Variants in PITPNM2 observed in about 807,000 individuals in gnomAD.
PITPNM2 encodes phosphatidylinositol transfer protein membrane associated 2, also known as membrane-associated phosphatidylinositol transfer protein 2.
A neutral mutation model predicts 132.2 loss-of-function variants in PITPNM2; 35 were observed. The observed-to-expected ratio is 0.26, with a 90% CI of 0.20 to 0.35. The LOEUF (loss-of-function observed/expected upper bound fraction) is 0.35, where lower values mean the gene tolerates loss of function less well. Ranked by LOEUF, PITPNM2 falls within the 10% of genes least tolerant of loss-of-function variation. PITPNM2 has a pLI of 1.00. For missense variants in PITPNM2, 1,332 were observed against 1,912.0 expected, an observed-to-expected ratio of 0.70 and a Z score of 5.66; for synonymous variants, 738 against 799.2, an observed-to-expected ratio of 0.92 and a Z score of 1.29.
At chr12:123,013,691 A>C in intron 4 of PITPNM2, 137 bp downstream of exon 4, 1 of 1,027,180 alleles carries the variant, frequency 9.7e-7, no homozygotes, top group Non-Finnish European at 1.4e-6. Flanking sequence ...TATGGAACAA[A>C]GCCTGGGTTC....
At chr12:123,094,811 C>T (rs1312238558) in intron 2 of PITPNM2, among the ~76,000 whole-genome samples, 2 of 152,198 alleles carry the variant, frequency 1.3e-5, no homozygotes, top group East Asian at 1.9e-4. Flanking sequence ...TTGGACTGAC[C>T]GACCTCCTGG....
Position 123,036,011 on chromosome 12 carries a change from AC to A in PITPNM2, c.-95-1327del, listed in dbSNP as rs1358072103. On this transcript the variant is annotated intron_variant, in intron 2 of 25. Coordinates refer to ENST00000320201, the MANE Select transcript of PITPNM2 (RefSeq NM_020845.3). This position sits in a 1 kb window ranked among gnomAD's most constrained non-coding sequence, Gnocchi z 4.1. ...GTAGCTGGGACTACAGATGCACGCCACCCACACCCGGCTAACGGTAGTATTT... is the reference window on the plus strand; with the variant it reads ...GTAGCTGGGACTACAGATGCACGCCACCACACCCGGCTAACGGTAGTATTT... Among the ~76,000 whole-genome samples the A allele has an allele frequency of 6.6e-6, 1 of 152,094 alleles. No homozygotes were observed. The highest frequency in any genetic ancestry group is 6.6e-5 in the Admixed American group (1 of 15,262).
intron 17 of PITPNM2, 131 bp downstream of exon 17, chr12:122,990,414 C>A: frequency 7.5e-7 from 1 of 1,334,210 alleles, no homozygotes; most frequent in South Asian, 1.4e-5. Flanking sequence ...CTCCCTCTAC[C>A]CACCAGGTGC....
chr12:123,069,200 T>C (rs1207895576), intron 2 of PITPNM2, among the ~76,000 whole-genome samples: 1 of 151,284 alleles, frequency 6.6e-6, no homozygotes, highest in African/African-American at 2.4e-5. Context: ...TGAGCTATGA[T>C]TGCACCACTG....
rs1255365145 is a variant in PITPNM2 at position 123,077,882 on chromosome 12, G to A, written c.-96+32503C>T. Among the ~76,000 whole-genome samples, 2 of 152,162 alleles carry A rather than the reference G, an allele frequency of 1.3e-5. No individual in the cohort carries two copies. The highest frequency in any genetic ancestry group is 2.9e-5 in the Non-Finnish European group (2 of 68,014). ...ACCACAGGAGCCAGGCTGGGGTCGCGCAGCAGCCTCCCATCCCTGCAGAGG... is the reference window on the plus strand; with the variant it reads ...ACCACAGGAGCCAGGCTGGGGTCGCACAGCAGCCTCCCATCCCTGCAGAGG... On this transcript the variant is annotated intron_variant, in intron 2 of 25. Coordinates refer to ENST00000320201, the MANE Select transcript of PITPNM2 (RefSeq NM_020845.3). The surrounding 1 kb of genome is among the most constrained non-coding windows in gnomAD (Gnocchi z 4.8).
chr12:123,124,447 A>T (rs1054858127), intron 1 of PITPNM2, among the ~76,000 whole-genome samples: 1 of 152,176 alleles, frequency 6.6e-6, no homozygotes, highest in Admixed American at 6.6e-5. Flanking sequence ...AAAAAATTAA[A>T]AAGTAATATA....
At position 122,996,817 on chromosome 12, in the gene PITPNM2, G is replaced by A. The variant is rs760546382; in HGVS notation, c.1566C>T (p.Pro522=). 1 of 1,602,926 alleles carries A rather than the reference G, an allele frequency of 6.2e-7. No individual in the cohort carries two copies. The highest frequency in any genetic ancestry group is 8.5e-7 in the Non-Finnish European group (1 of 1,177,234). Residue 522 remains proline (P), a synonymous_variant, in exon 12 of 26, where the codon CCC becomes CCT. Coordinates refer to ENST00000320201, the MANE Select transcript of PITPNM2 (RefSeq NM_020845.3). The stretch of plus-strand genomic sequence containing the variant: ...CTGTGGCAACTGCCTCCTGGTACTG[G>A]GGGGAGGAGGTGGCCAGCAGGGGGA... The part of the protein sequence containing the change: ...AALPLLATSS[P]QYQEAVATVI...
At chr12:123,033,919 T>C (rs1018049884) in intron 3 of PITPNM2, among the ~76,000 whole-genome samples, 5 of 152,212 alleles carry the variant, frequency 3.3e-5, no homozygotes, top group Admixed American at 3.3e-4. Flanking sequence ...AGCACCATTT[T>C]CCAATCTGTG....
chr12:122,988,343 C>T lies in PITPNM2; in HGVS notation c.2888G>A (p.Arg963Lys). 1 of 1,612,900 alleles carries T rather than the reference C, an allele frequency of 6.2e-7. No homozygotes were observed. Among genetic ancestry groups the T allele is most frequent in the Non-Finnish European group, 8.5e-7 (1 of 1,179,598 alleles). ...VVSFLLRQVM[R>K]HDNSSILELD... ...CTCCAAGATGCTGGAGTTGTCATGC[C>T]TCATGACCTGGGAAGAGGGGACAGT... Residue 963 changes from arginine (R) to lysine (K), a missense_variant, in exon 20 of 26, where the codon AGG becomes AAG. Arg to Lys is a conservative substitution (Grantham distance 26). Coordinates refer to ENST00000320201, the MANE Select transcript of PITPNM2 (RefSeq NM_020845.3).
At chr12:123,040,732 A>AGG (rs1256547148) in intron 2 of PITPNM2, among the ~76,000 whole-genome samples, 5 of 152,182 alleles carry the variant, frequency 3.3e-5, no homozygotes, top group Non-Finnish European at 4.4e-5. Flanking sequence ...TTTTTAAAAA[A>AGG]AGATCATGTA....
At chr12:123,048,191 T>C (rs190189653) in intron 2 of PITPNM2, among the ~76,000 whole-genome samples, 96 of 152,126 alleles carry the variant, frequency 6.3e-4, no homozygotes, top group African/African-American at 2.0e-3. Context: ...GGAAATATTA[T>C]TCAGCCTCAA....
chr12:122,997,143 C>A (rs2038465311), intron 11 of PITPNM2, among the ~76,000 whole-genome samples, 182 bp downstream of exon 11: 1 of 152,238 alleles, frequency 6.6e-6, no homozygotes, highest in Non-Finnish European at 1.5e-5. Flanking sequence ...TGGGCCCAGG[C>A]CTCCTGGGAC....
chr12:122,997,185 C>A, intron 11 of PITPNM2, 140 bp downstream of exon 11: 1 of 1,308,188 alleles, frequency 7.6e-7, no homozygotes, highest in Non-Finnish European at 1.0e-6. Context: ...TACGTTTGGG[C>A]ACCTCCAGGT....
intron 5 of PITPNM2, among the ~76,000 whole-genome samples, chr12:123,011,722 G>A (rs570351843): frequency 6.6e-6 from 1 of 152,294 alleles, no homozygotes; most frequent in South Asian, 2.1e-4. Context: ...TTGGAGGGAT[G>A]CTTCTACAAG....
intron 2 of PITPNM2, among the ~76,000 whole-genome samples, chr12:123,073,530 A>G (rs574736828): frequency 6.6e-6 from 1 of 152,294 alleles, no homozygotes; most frequent in Admixed American, 6.5e-5. Flanking sequence ...TATGTTACAG[A>G]TGAAGAAACT....
chr12:123,075,043 G>A (rs2041741884), intron 2 of PITPNM2, among the ~76,000 whole-genome samples: 1 of 152,246 alleles, frequency 6.6e-6, no homozygotes, highest in East Asian at 1.9e-4. Context: ...ATATTTGTGT[G>A]TGCGTGCATG....
intron 2 of PITPNM2, among the ~76,000 whole-genome samples, chr12:123,070,657 T>G (rs904231123): frequency 1.3e-5 from 2 of 152,166 alleles, no homozygotes; most frequent in African/African-American, 4.8e-5. Context: ...TGCTCCTCGG[T>G]GTGCCACTTC....
At chr12:123,085,363 A>G (rs1421357197) in intron 2 of PITPNM2, among the ~76,000 whole-genome samples, 1 of 152,178 alleles carries the variant, frequency 6.6e-6, no homozygotes, top group African/African-American at 2.4e-5. Flanking sequence ...CCCACCCCCT[A>G]CAACACAGAC....
At chr12:123,091,243 A>G (rs1410900415) in intron 2 of PITPNM2, 1 of 152,214 alleles carries the variant, frequency 6.6e-6, no homozygotes, top group Non-Finnish European at 1.5e-5. Context: ...CCCCTGTGCA[A>G]GGTGCCTAAG....
Sources: gnomAD v4.1 joint callset for allele counts (sites outside exome capture counted in the v4.1 genomes callset) on GRCh38, gnomAD v4.1.1 for gene constraint, Gnocchi (gnomAD v3.1) non-coding constraint, MANE v1.5 for transcripts, NCBI Gene and HGNC (gene_info 2026-07-23, HGNC 2026-07-21) for gene names.